DOCK1: variants seen among roughly 807,000 people sequenced by gnomAD.
DOCK1 encodes dedicator of cytokinesis 1.
Under a neutral mutation model 262.7 loss-of-function variants are expected in DOCK1, and 138 were observed. The ratio of observed to expected loss-of-function variants is 0.53; its 90% confidence interval spans 0.46 to 0.61. The LOEUF (loss-of-function observed/expected upper bound fraction) is 0.61. DOCK1 is among the 20% of genes least tolerant of loss of function. The pLI is 0.00. For missense variants in DOCK1, 1,908 were observed against 2,370.7 expected, an observed-to-expected ratio of 0.80 and a Z score of 4.05; for synonymous variants, 866 against 867.4, an observed-to-expected ratio of 1.00 and a Z score of 0.03.
At chr10:127,038,141 G>A (rs1347415701) in intron 19 of DOCK1, among the ~76,000 whole-genome samples, 3 of 152,160 alleles carry the variant, frequency 2.0e-5, no homozygotes, top group African/African-American at 4.8e-5. Context: ...GCTGAGGCAG[G>A]AGAATTGCTT....
At chr10:127,247,024 A>G (rs185728602) in intron 27 of DOCK1, among the ~76,000 whole-genome samples, 2 of 152,350 alleles carry the variant, frequency 1.3e-5, no homozygotes, top group African/African-American at 2.4e-5. Flanking sequence ...AGGCTTTACA[A>G]TGTTGTTAGC....
chr10:127,028,285 C>T (rs556610170), intron 16 of DOCK1, among the ~76,000 whole-genome samples: 7 of 152,258 alleles, frequency 4.6e-5, no homozygotes, highest in African/African-American at 1.2e-4. Flanking sequence ...CAGACCAAGT[C>T]GGATCTGCTA....
chr10:127,278,268 G>C (rs2060817541), intron 29 of DOCK1, among the ~76,000 whole-genome samples: 1 of 152,120 alleles, frequency 6.6e-6, no homozygotes, highest in Admixed American at 6.5e-5. Flanking sequence ...AAACTCCATT[G>C]TGTAGATCTT....
chr10:127,200,846 C>G (rs1420666795), intron 27 of DOCK1, among the ~76,000 whole-genome samples: 1 of 152,202 alleles, frequency 6.6e-6, no homozygotes, highest in African/African-American at 2.4e-5. Flanking sequence ...GAATGCCTAA[C>G]TTTCTAAGAA....
chr10:127,046,757 CAAAAAA>C (rs5788823), intron 21 of DOCK1, among the ~76,000 whole-genome samples: 3 of 73,346 alleles, frequency 4.1e-5, no homozygotes, highest in Non-Finnish European at 7.3e-5. Flanking sequence ...CACTACGTCT[CAAAAAA>C]AAAAAAAAAA....
At chr10:127,310,947 G>C (rs1023863500) in intron 29 of DOCK1, among the ~76,000 whole-genome samples, 2 of 152,188 alleles carry the variant, frequency 1.3e-5, no homozygotes, top group African/African-American at 2.4e-5. Flanking sequence ...AGGCAGGCTT[G>C]TATCGTTCTT....
At chr10:127,327,041 AG>A (rs1175984497) in intron 29 of DOCK1, among the ~76,000 whole-genome samples, 1 of 152,254 alleles carries the variant, frequency 6.6e-6, no homozygotes. Context: ...GCTGTCATCC[AG>A]GCTCTCTTCT....
intron 1 of DOCK1, among the ~76,000 whole-genome samples, chr10:126,917,477 C>A (rs1184019588): frequency 6.6e-6 from 1 of 152,146 alleles, no homozygotes; most frequent in Non-Finnish European, 1.5e-5. Flanking sequence ...CCCTTCGTGG[C>A]CATCCTGGCC....
chr10:127,442,792 T>C (rs2070264568), intron 49 of DOCK1, among the ~76,000 whole-genome samples: 1 of 152,250 alleles, frequency 6.6e-6, no homozygotes, highest in Non-Finnish European at 1.5e-5. Context: ...GAACAGGCCA[T>C]TGATTTTGTT....
At chr10:126,967,962 C>T (rs924838719) in intron 1 of DOCK1, among the ~76,000 whole-genome samples, 7 of 152,018 alleles carry the variant, frequency 4.6e-5, no homozygotes, top group African/African-American at 1.7e-4. Flanking sequence ...TACAGGTGCG[C>T]ACCACCACGC....
rs778556643 is a variant in DOCK1 at position 127,409,118 on chromosome 10, G to T, written c.4204G>T (p.Ala1402Ser). ...EARLLTQFPN[A>S]EKMKTTSPPG... ...TCGGCTCTTAACTCAGTTTCCAAAC[G>T]CCGAGAAAATGAAGACAACATCTCC... Residue 1402 changes from alanine to serine, a missense_variant, in exon 41 of 52, where the codon GCC (alanine) becomes TCC (serine). Ala to Ser is a moderately conservative substitution (Grantham distance 99). Transcript: ENST00000623213. 2.5e-6 allele frequency: 4 copies of T among 1,610,138 alleles called. No homozygotes were observed. The highest frequency in any genetic ancestry group is 3.4e-6 in the Non-Finnish European group (4 of 1,178,096).
chr10:127,257,393 C>T lies in DOCK1; in HGVS notation c.3008C>T (p.Pro1003Leu). ...AACCTCATTGGAAAGAACGTTTACC[C>T]CTTCGACTGGGTGATCATGAACATG... is the stretch of plus-strand genomic sequence containing the variant. ...FKNLIGKNVY[P>L]FDWVIMNMVQ... Residue 1003 changes from proline (P) to leucine (L), a missense_variant, in exon 29 of 52, where the codon CCC becomes CTC. This residue lies in a region of DOCK1 where 518 missense variants were observed against 575.1 expected (regional missense o/e 0.90). Transcript: ENST00000623213. The T allele has an allele frequency of 6.2e-7, 1 of 1,607,688 alleles. No individual in the cohort carries two copies. The highest frequency in any genetic ancestry group is 8.5e-7 in the Non-Finnish European group (1 of 1,176,668).
At chr10:127,126,505 A>G (rs1051444625) in intron 26 of DOCK1, among the ~76,000 whole-genome samples, 1 of 152,092 alleles carries the variant, frequency 6.6e-6, no homozygotes, top group Admixed American at 6.5e-5. Flanking sequence ...CCAAGGCAGG[A>G]GGATCGCTTG....
chr10:127,442,826 G>A lies in DOCK1; in HGVS notation c.5260-1300G>A, dbSNP rs188372925. The stretch of plus-strand genomic sequence containing the variant: ...TTCTTGACCGCACGGATGTTGCCCC[G>A]TGTGTCCTTGCTGGCTATCTGCATG... On this transcript the variant is annotated intron_variant, in intron 49 of 51. Transcript: ENST00000623213. Among the ~76,000 whole-genome samples the A allele has an allele frequency of 3.4e-3, 513 of 152,314 alleles. 2 individuals carry two copies. Among genetic ancestry groups the A allele is most frequent in the African/African-American group, 0.011 (477 of 41,578 alleles).
Position 127,144,736 on chromosome 10 carries a change from C to G in DOCK1, c.2847+16972C>G, listed in dbSNP as rs1398497546. Among the ~76,000 whole-genome samples the G allele has an allele frequency of 2.0e-5, 3 of 152,136 alleles. No homozygotes were observed. In the East Asian group the frequency reaches 5.8e-4, roughly 29 times the overall value. On this transcript the variant is annotated intron_variant, in intron 27 of 51. Transcript: ENST00000623213. Reference sequence around the variant, plus strand: ...ATATCAGTGGTTTGTAGTTAACTGGCTTTTCAACACTTTAAATATAGAAAT... The same window carrying G: ...ATATCAGTGGTTTGTAGTTAACTGGGTTTTCAACACTTTAAATATAGAAAT...
chr10:127,117,624 T>C (rs1020686084), intron 25 of DOCK1, among the ~76,000 whole-genome samples: 2 of 152,226 alleles, frequency 1.3e-5, no homozygotes, highest in Non-Finnish European at 2.9e-5. Context: ...GTTTATGGTA[T>C]AGTTGGTGTA....
intron 23 of DOCK1, among the ~76,000 whole-genome samples, chr10:127,105,273 T>C (rs1488482700): frequency 1.3e-5 from 2 of 152,142 alleles, no homozygotes; most frequent in Non-Finnish European, 2.9e-5. Flanking sequence ...TATTTCTTCA[T>C]AGTAGGATGA....
intron 1 of DOCK1, among the ~76,000 whole-genome samples, chr10:126,958,441 C>T: frequency 6.6e-6 from 1 of 152,286 alleles, no homozygotes; most frequent in East Asian, 1.9e-4. Flanking sequence ...GAAGTCACAG[C>T]TCATGGAGAC....
At chr10:127,323,382 T>C (rs1461987289) in intron 29 of DOCK1, among the ~76,000 whole-genome samples, 2 of 152,190 alleles carry the variant, frequency 1.3e-5, no homozygotes, top group East Asian at 3.9e-4. Context: ...CTCCTGTGTA[T>C]ATTTTTGGTG....
Sources: gnomAD v4.1 joint callset for allele counts (sites outside exome capture counted in the v4.1 genomes callset) on GRCh38, gnomAD v4.1.1 for gene constraint, gnomAD v4.1.1 regional missense constraint, MANE v1.5 for transcripts, NCBI Gene and HGNC (gene_info 2026-07-23, HGNC 2026-07-21) for gene names.